PCLO: variants seen among roughly 807,000 people sequenced by gnomAD.
PCLO encodes the protein piccolo presynaptic cytomatrix protein, also known as protein piccolo.
Under a neutral mutation model 427.5 loss-of-function variants are expected in PCLO, and 82 were observed. The observed-to-expected ratio is 0.19, with a 90% CI of 0.16 to 0.23. PCLO has a LOEUF of 0.23. PCLO is among the 10% of genes least tolerant of loss of function. The pLI is 1.00. For synonymous variants in PCLO, 2,357 were observed against 2,155.4 expected (o/e 1.09, Z -2.59); for missense variants, 6,239 against 6,115.9 (o/e 1.02, Z -0.67).
chr7:82,927,734 A>C (rs1794745608), intron 6 of PCLO, among the ~76,000 whole-genome samples: 2 of 152,180 alleles, frequency 1.3e-5, no homozygotes, highest in African/African-American at 4.8e-5. Context: ...ATCTTTATAC[A>C]CATCAATTAA....
chr7:83,127,319 T>C (rs1791462083), intron 3 of PCLO, among the ~76,000 whole-genome samples: 1 of 146,242 alleles, frequency 6.8e-6, no homozygotes, highest in South Asian at 2.2e-4. Context: ...AATAAATAAT[T>C]TTCAAAAACA....
chr7:83,145,868 T>C (rs1052372648), intron 2 of PCLO, among the ~76,000 whole-genome samples: 9 of 152,142 alleles, frequency 5.9e-5, no homozygotes, highest in Non-Finnish European at 1.3e-4. Flanking sequence ...CTGATCTAGG[T>C]AGGATTCATA....
At chr7:82,967,299 C>T (rs1462504648) in intron 3 of PCLO, among the ~76,000 whole-genome samples, 1 of 151,556 alleles carries the variant, frequency 6.6e-6, no homozygotes, top group Non-Finnish European at 1.5e-5. Flanking sequence ...CCTCAGCCTC[C>T]TGAGTACCTG....
At position 83,042,431 on chromosome 7, in the gene PCLO, C is replaced by A. The variant is rs568993720; in HGVS notation, c.3301-75944G>T. 9.2e-5 allele frequency among the ~76,000 whole-genome samples: 14 copies of A among 152,168 alleles called. No individual in the cohort carries two copies. The South Asian group carries it at 1.9e-3, about 20-fold the overall frequency. ...CTTGAAATAATTCTACATGTCTTTA[C>A]CCCTCAAAAAATGAAAAAGTATAAA... On this transcript the variant is annotated intron_variant, in intron 3 of 24. Transcript: ENST00000333891.
intron 10 of PCLO, among the ~76,000 whole-genome samples, chr7:82,876,453 T>TACACACACAC (rs1491311772): frequency 1.7e-5 from 1 of 60,426 alleles, no homozygotes; most frequent in African/African-American, 1.3e-4. Context: ...CAAAAACAAG[T>TACACACACAC]ATACACACAC....
At chr7:82,935,231 G>A (rs73385972) in intron 6 of PCLO, among the ~76,000 whole-genome samples, 2,493 of 144,680 alleles carry the variant, frequency 0.017, 86 homozygotes, top group African/African-American at 0.06. Context: ...ATTAGGATTT[G>A]CACTCAGACA....
At chr7:83,116,971 TGTG>T (rs1791150632) in intron 3 of PCLO, among the ~76,000 whole-genome samples, 1 of 152,016 alleles carries the variant, frequency 6.6e-6, no homozygotes, top group African/African-American at 2.4e-5. Flanking sequence ...ATAAAGAAAA[TGTG>T]GTATGTATAG....
intron 1 of PCLO, among the ~76,000 whole-genome samples, chr7:83,158,968 T>C (rs896047528): frequency 4.6e-5 from 7 of 152,062 alleles, no homozygotes; most frequent in Admixed American, 1.3e-4. Flanking sequence ...ATAACAGTTT[T>C]ACTGTTAAAA....
chr7:82,841,916 A>C (rs1273009124), intron 13 of PCLO, among the ~76,000 whole-genome samples: 1 of 152,116 alleles, frequency 6.6e-6, no homozygotes, highest in Non-Finnish European at 1.5e-5. Context: ...GAAGGTAGAA[A>C]AGTCCTTCTT....
At chr7:83,089,005 T>C (rs937621983) in intron 3 of PCLO, among the ~76,000 whole-genome samples, 1 of 152,130 alleles carries the variant, frequency 6.6e-6, no homozygotes, top group Non-Finnish European at 1.5e-5. Context: ...GTCCCTTCAA[T>C]AGAATTATAT....
intron 23 of PCLO, 55 bp downstream of exon 23, chr7:82,761,304 A>T: frequency 9.6e-7 from 1 of 1,042,966 alleles, no homozygotes; most frequent in Non-Finnish European, 1.4e-6. Context: ...AGAATATGTA[A>T]GACACATCCC....
At chr7:82,940,004 C>G (rs893115478) in intron 6 of PCLO, among the ~76,000 whole-genome samples, 1 of 152,000 alleles carries the variant, frequency 6.6e-6, no homozygotes, top group Non-Finnish European at 1.5e-5. Flanking sequence ...AGCCTATGGA[C>G]TTATATTAAA....
In PCLO at chr7:82,966,986, C is replaced by T. The variant is rs527780638; in HGVS notation, c.3301-499G>A. Reference sequence around the variant, plus strand: ...TTGACTTGGGCCAAATATAGTTCTACCTTTCAGAGTAGAGCTTTATAGGTA... The same window carrying T: ...TTGACTTGGGCCAAATATAGTTCTATCTTTCAGAGTAGAGCTTTATAGGTA... On this transcript the variant is annotated intron_variant, in intron 3 of 24. Coordinates refer to ENST00000333891, the MANE Select transcript of PCLO (RefSeq NM_033026.6). Among the ~76,000 whole-genome samples the T allele has an allele frequency of 7.2e-5, 11 of 152,108 alleles. No homozygotes were observed. In the East Asian group the frequency reaches 2.1e-3, roughly 29 times the overall value.
chr7:82,779,958 A>T (rs1406574270), intron 22 of PCLO, among the ~76,000 whole-genome samples: 1 of 152,182 alleles, frequency 6.6e-6, no homozygotes, highest in Non-Finnish European at 1.5e-5. Flanking sequence ...ATGAACTAAT[A>T]GAGTGTTCAG....
chr7:82,807,917 ATTTTC>A (rs1248679089), intron 20 of PCLO, among the ~76,000 whole-genome samples: 1 of 151,976 alleles, frequency 6.6e-6, no homozygotes, highest in Non-Finnish European at 1.5e-5. Flanking sequence ...GTTTCTGAAT[ATTTTC>A]TTTATTTTAT....
chr7:82,854,862 A>T (rs1792761767), intron 10 of PCLO, among the ~76,000 whole-genome samples: 1 of 152,180 alleles, frequency 6.6e-6, no homozygotes, highest in South Asian at 2.1e-4. Context: ...AAGCAATTAA[A>T]ATTAGCAAAG....
intron 6 of PCLO, among the ~76,000 whole-genome samples, chr7:82,944,927 A>C (rs1015603866): frequency 6.6e-6 from 1 of 152,200 alleles, no homozygotes; most frequent in Non-Finnish European, 1.5e-5. Flanking sequence ...TACATAAAAT[A>C]TTCCAAATGA....
rs1792250418 is a variant in PCLO at position 83,155,284 on chromosome 7, G to T, written c.1357C>A (p.Gln453Lys). 3.7e-6 allele frequency: 6 copies of T among 1,613,998 alleles called. No individual in the cohort carries two copies. The East Asian group carries it at 1.3e-4, about 36-fold the overall frequency. Residue 453 changes from glutamine (Q) to lysine (K), a missense_variant, in exon 2 of 25, where the codon CAG (glutamine) becomes AAG (lysine). Transcript: ENST00000333891. The stretch of plus-strand genomic sequence containing the variant: ...GCAGAAGTCTTTCCGGGTCCTGCCT[G>T]TTGAGCTGGAATCTTTCCTGGCCCA... The part of the protein sequence containing the change: ...QPGPGKIPAQ[Q>K]AGPGKTSAQQ...
At chr7:83,036,955 TAATGGTTAAACAGTGATAAGA>T (rs889832833) in intron 3 of PCLO, among the ~76,000 whole-genome samples, 2 of 152,080 alleles carry the variant, frequency 1.3e-5, no homozygotes, top group African/African-American at 4.8e-5. Flanking sequence ...ATCAATGTAA[TAATGGTTAAACAGTGATAAGA>T]AATGAAGAAG....
Sources: gnomAD v4.1 joint callset for allele counts (sites outside exome capture counted in the v4.1 genomes callset) on GRCh38, gnomAD v4.1.1 for gene constraint, MANE v1.5 for transcripts, NCBI Gene and HGNC (gene_info 2026-07-23, HGNC 2026-07-21) for gene names.